GIPC2: variants seen among roughly 807,000 people sequenced by gnomAD.
The protein encoded by GIPC2 is PDZ domain-containing protein GIPC2.
A neutral mutation model predicts 30.6 loss-of-function variants in GIPC2; 30 were observed. That is an observed-to-expected ratio of 0.98 (90% CI 0.73 to 1.33). The LOEUF (loss-of-function observed/expected upper bound fraction) is 1.33. Ranked by LOEUF, GIPC2 falls within the 40% of genes most tolerant of loss-of-function variation. GIPC2 has a pLI of 0.00. For missense variants in GIPC2, 414 were observed against 390.3 expected (o/e 1.06, Z -0.51); for synonymous variants, 167 against 150.0 (o/e 1.11, Z -0.83).
intron 5 of GIPC2, among the ~76,000 whole-genome samples, chr1:78,128,230 T>C (rs762950196): frequency 6.6e-6 from 1 of 152,198 alleles, no homozygotes; most frequent in Non-Finnish European, 1.5e-5. Flanking sequence ...TGGGGTCTAC[T>C]TGTGTTACCT....
rs1259917535 is a variant in GIPC2 at position 78,046,100 on chromosome 1, C to T, written c.6C>T (p.Pro2=). M[P]LKLRGKKKAK... is the part of the protein sequence containing the mutation. The stretch of plus-strand genomic sequence containing the variant: ...CGCGCTCTCGGCCCTGCAAGATGCC[C>T]CTGAAGCTGCGGGGGAAGAAGAAGG... Residue 2 remains proline, a synonymous_variant, in exon 1 of 6, where the codon CCC becomes CCT. Coordinates refer to ENST00000370759, the MANE Select transcript of GIPC2 (RefSeq NM_017655.6). 1.4e-6 allele frequency: 2 copies of T among 1,467,524 alleles called. No individual in the cohort carries two copies. The highest frequency in any genetic ancestry group is 1.8e-6 in the Non-Finnish European group (2 of 1,114,008). 90.9% of individuals were successfully genotyped at this position (1,467,524 alleles called of 1,614,324 possible).
At chr1:78,129,007 A>AAAATAAAT (rs146694059) in intron 5 of GIPC2, among the ~76,000 whole-genome samples, 43,876 of 142,460 alleles carry the variant, frequency 0.31, 8,771 homozygotes, top group Non-Finnish European at 0.44. Context: ...CCTGTCTCTA[A>AAAATAAAT]AAATAAATAA....
upstream of GIPC2, chr1:78,045,509 CAG>C (rs780992891): frequency 3.8e-5 from 37 of 964,240 alleles, no homozygotes; most frequent in South Asian, 7.2e-4. Context: ...AAGGGAAACT[CAG>C]AGGTGCCAAG....
chr1:78,076,730 T>G (rs693127), intron 1 of GIPC2, among the ~76,000 whole-genome samples: 146,217 of 152,214 alleles, frequency 0.96, 70,347 homozygotes, highest in East Asian at 1. Flanking sequence ...GACAAATAAG[T>G]CTAGTAAGAT....
intron 2 of GIPC2, among the ~76,000 whole-genome samples, chr1:78,087,335 C>T (rs143468047): frequency 0.024 from 3,596 of 152,154 alleles, 46 homozygotes; most frequent in Middle Eastern, 0.071. Flanking sequence ...TCATATTACC[C>T]GACTTCAAAC....
At chr1:78,066,319 C>T (rs941118568) in intron 1 of GIPC2, among the ~76,000 whole-genome samples, 1 of 152,076 alleles carries the variant, frequency 6.6e-6, no homozygotes, top group African/African-American at 2.4e-5. Context: ...AAATGCAAGT[C>T]AAAACCACAG....
chr1:78,093,415 C>T (rs1571502870), intron 2 of GIPC2, among the ~76,000 whole-genome samples: 2 of 152,098 alleles, frequency 1.3e-5, no homozygotes, highest in Non-Finnish European at 2.9e-5. Context: ...TGACAGTGAG[C>T]TCTGTTTAAA....
chr1:78,078,198 A>C (rs1016932662), intron 1 of GIPC2, among the ~76,000 whole-genome samples: 3 of 151,328 alleles, frequency 2.0e-5, no homozygotes, highest in Non-Finnish European at 4.4e-5. Flanking sequence ...AAAAAAAAAA[A>C]AAAAAAAAAA....
chr1:78,089,903 A>G (rs1243481129), intron 2 of GIPC2, among the ~76,000 whole-genome samples: 2 of 152,216 alleles, frequency 1.3e-5, no homozygotes, highest in Non-Finnish European at 2.9e-5. Context: ...TGTAGCACAA[A>G]AACAGTTACA....
At chr1:78,090,432 T>C (rs897334863) in intron 2 of GIPC2, among the ~76,000 whole-genome samples, 4 of 152,118 alleles carry the variant, frequency 2.6e-5, no homozygotes, top group African/African-American at 9.7e-5. Flanking sequence ...TGACTTCAGG[T>C]GATCTGCCCG....
intron 1 of GIPC2, among the ~76,000 whole-genome samples, chr1:78,077,792 T>C (rs12071331): frequency 2.4e-4 from 37 of 152,170 alleles, no homozygotes; most frequent in African/African-American, 8.7e-4. Context: ...TGAGTATGAG[T>C]GAGGGTATGA....
intron 1 of GIPC2, among the ~76,000 whole-genome samples, chr1:78,079,184 G>C (rs1240929508): frequency 6.6e-6 from 1 of 152,166 alleles, no homozygotes; most frequent in Non-Finnish European, 1.5e-5. Flanking sequence ...AACAAAGACT[G>C]GGATGAAAAG....
chr1:78,110,220 A>G (rs1435708480), intron 3 of GIPC2, among the ~76,000 whole-genome samples: 7 of 152,124 alleles, frequency 4.6e-5, no homozygotes, highest in Non-Finnish European at 8.8e-5. Flanking sequence ...CTTGATAGGT[A>G]GCCATCTGTA....
chr1:78,079,855 A>G (rs991140999), intron 1 of GIPC2, among the ~76,000 whole-genome samples: 6 of 152,198 alleles, frequency 3.9e-5, no homozygotes, highest in Non-Finnish European at 7.3e-5. Context: ...ATGAGGTCAA[A>G]TAAAGACTTG....
chr1:78,053,556 A>T (rs74465021), intron 1 of GIPC2, among the ~76,000 whole-genome samples: 2 of 152,174 alleles, frequency 1.3e-5, no homozygotes, highest in East Asian at 3.9e-4. Flanking sequence ...CTGTTGGGTT[A>T]TTACAATGCA....
At chr1:78,091,057 C>A (rs1006285255) in intron 2 of GIPC2, among the ~76,000 whole-genome samples, 2 of 152,096 alleles carry the variant, frequency 1.3e-5, no homozygotes, top group East Asian at 3.9e-4. Context: ...GGTCAGAAGA[C>A]CTTGGGTTCT....
chr1:78,093,561 A>G (rs1015879799), intron 2 of GIPC2, among the ~76,000 whole-genome samples: 1 of 152,248 alleles, frequency 6.6e-6, no homozygotes, highest in Admixed American at 6.5e-5. Flanking sequence ...CAATTTAAAC[A>G]TTAAAAATGC....
chr1:78,114,377 T>C (rs2100418056), intron 3 of GIPC2, among the ~76,000 whole-genome samples: 1 of 152,350 alleles, frequency 6.6e-6, no homozygotes, highest in East Asian at 1.9e-4. Flanking sequence ...GCTATAAATA[T>C]ATGTGGTCTC....
intron 1 of GIPC2, among the ~76,000 whole-genome samples, chr1:78,061,011 C>T (rs371404733): frequency 6.6e-6 from 1 of 152,060 alleles, no homozygotes; most frequent in South Asian, 2.1e-4. Context: ...CTGGGAATGG[C>T]AGTCACTGTA....
Sources: allele counts gnomAD v4.1 joint callset (sites outside exome capture counted in the v4.1 genomes callset), GRCh38; gene constraint gnomAD v4.1.1; transcripts MANE v1.5; gene names NCBI Gene and HGNC (gene_info 2026-07-23, HGNC 2026-07-21).